The following ADCK2 variants were observed in gnomAD, a reference collection of about 807,000 sequenced individuals.
The protein encoded by ADCK2 is aarF domain containing kinase 2.
In ADCK2, 37 loss-of-function variants were observed where a neutral mutation model predicts 52.3. That is an observed-to-expected ratio of 0.71 (90% CI 0.54 to 0.93). The LOEUF is 0.93. Among genes scored for constraint, ADCK2 ranks in the 40% least tolerant of loss-of-function variants. The pLI, the probability that ADCK2 is intolerant of heterozygous loss-of-function variation, is 0.00. For synonymous variants in ADCK2, 321 were observed against 349.2 expected, an observed-to-expected ratio of 0.92 and a Z score of 0.90; for missense variants, 695 against 798.7, an observed-to-expected ratio of 0.87 and a Z score of 1.56.
At chr7:140,681,009 G>A in intron 3 of ADCK2, 33 bp from the exon 4 acceptor site, 1 of 1,605,538 alleles carries the variant, frequency 6.2e-7, no homozygotes, top group Non-Finnish European at 8.5e-7. Flanking sequence ...GGCTGGCTGG[G>A]ATTAAGCTGT....
Position 140,673,908 on chromosome 7 carries a change from AC to A in ADCK2, c.579del (p.Trp194GlyfsTer57). On this transcript the variant is annotated frameshift_variant, in exon 1 of 8. Transcript: ENST00000072869. LOFTEE classifies it high-confidence loss of function. The surrounding 1 kb of genome is among the most constrained non-coding windows in gnomAD (Gnocchi z 6.4). ...TTCCTTCGGCAGGCTTTTGGGGATG[AC>A]TGGGGGAGCATCCTCTCTTTTGAGA... ...ERFLRQAFGD[D>X]WGSILSFENR... 1 of 1,613,944 alleles carries A rather than the reference AC, an allele frequency of 6.2e-7. No homozygotes were observed. The highest frequency in any genetic ancestry group is 1.1e-5 in the South Asian group (1 of 91,088).
At chr7:140,690,301 C>T (rs1012098466) in intron 6 of ADCK2, among the ~76,000 whole-genome samples, 7 of 152,132 alleles carry the variant, frequency 4.6e-5, no homozygotes, top group Non-Finnish European at 7.3e-5. Flanking sequence ...CTCCCGGATT[C>T]AAGCGATTCT....
chr7:140,673,408 C>T lies in ADCK2; in HGVS notation c.78C>T (p.Ser26=), dbSNP rs985913563. ...LRCFELRQGL[S]LLRPSECPRD... ...GCTTCGAGCTCAGACAGGGACTCAG[C>T]CTCCTGAGGCCCTCCGAGTGCCCTC... The change falls in exon 1 of 8, where the codon AGC becomes AGT. Residue 26 remains serine (S), a synonymous_variant. Transcript: ENST00000072869. The surrounding 1 kb of genome is among the most constrained non-coding windows in gnomAD (Gnocchi z 6.4). 2.5e-6 allele frequency: 4 copies of T among 1,588,524 alleles called. No homozygotes were observed. Among genetic ancestry groups the T allele is most frequent in the South Asian group, 2.3e-5 (2 of 87,948 alleles).
In ADCK2 at chr7:140,679,382, G is replaced by C. The variant is rs1376190661; in HGVS notation, c.1209+99G>C. ...AGGCTTCAGTCTGGAGAGAGGATGG[G>C]ATTTGTGTCTGTAAAACTGTGAGGA... On this transcript the variant is annotated intron_variant, in intron 3 of 7. Transcript: ENST00000072869. 10 of 1,518,622 alleles carry C rather than the reference G, an allele frequency of 6.6e-6. No individual in the cohort carries two copies. In the Middle Eastern group the frequency reaches 1.0e-3, roughly 159 times the overall value. 94.1% of individuals were successfully genotyped at this position (1,518,622 alleles called of 1,614,324 possible). A position where few individuals can be genotyped will look rare whatever the true frequency, so the allele number is the denominator to read the frequency against.
rs1244774889 is a variant in ADCK2 at position 140,676,147 on chromosome 7, G to A, written c.1080+1390G>A. On this transcript the variant is annotated intron_variant, in intron 2 of 7. Coordinates refer to ENST00000072869, the MANE Select transcript of ADCK2 (RefSeq NM_052853.4). ...GCTGAAAATTCCAGATCAAGGCATC[G>A]GCAGATTCGATGTCTGGTGAGGCCC... is the stretch of plus-strand genomic sequence containing the variant. Among the ~76,000 whole-genome samples the A allele has an allele frequency of 3.3e-5, 5 of 152,270 alleles. No individual in the cohort carries two copies. The South Asian group carries it at 6.2e-4, about 19-fold the overall frequency.
chr7:140,674,628 G>A lies in ADCK2; in HGVS notation c.951G>A (p.Leu317=). The A allele has an allele frequency of 1.2e-6, 2 of 1,613,578 alleles. No individual in the cohort carries two copies. Among genetic ancestry groups the A allele is most frequent in the Non-Finnish European group, 1.7e-6 (2 of 1,179,804 alleles). The change falls in exon 2 of 8, where the codon CTG becomes CTA. Residue 317 remains leucine (L), a synonymous_variant. Transcript: ENST00000072869. The surrounding 1 kb of genome is among the most constrained non-coding windows in gnomAD (Gnocchi z 4.6). ...SVAVKVLHPG[L]LAQVHMDLLL... ...TCTGACAGGTGTTGCACCCTGGCCT[G>A]CTCGCTCAGGTGCATATGGACCTGC...
chr7:140,679,646 G>T (rs1794481278), intron 3 of ADCK2, among the ~76,000 whole-genome samples: 1 of 137,540 alleles, frequency 7.3e-6, no homozygotes, highest in African/African-American at 2.7e-5. Flanking sequence ...CTCTACTCTA[G>T]TTCAGCCTTC....
Position 140,673,944 on chromosome 7 carries a change from C to A in ADCK2, c.614C>A (p.Pro205His), listed in dbSNP as rs780403894. The A allele has an allele frequency of 6.2e-7, 1 of 1,614,050 alleles. No individual in the cohort carries two copies. The highest frequency in any genetic ancestry group is 1.1e-5 in the South Asian group (1 of 91,082). ...ATCCTCTCTTTTGAGAACCGGGAAC[C>A]TGTGGGCTCAGGCTGCGTGGCCCAG... ...GSILSFENRE[P>H]VGSGCVAQVY... Residue 205 changes from proline (P) to histidine (H), a missense_variant, in exon 1 of 8, where the codon CCT becomes CAT. Physicochemically the swap from Pro to His is moderately conservative, Grantham distance 77. Coordinates refer to ENST00000072869, the MANE Select transcript of ADCK2 (RefSeq NM_052853.4). The surrounding 1 kb of genome is among the most constrained non-coding windows in gnomAD (Gnocchi z 6.4).
rs73165459 is a variant in ADCK2, at chr7:140,674,369, A to G, written c.933+106A>G. The G allele has an allele frequency of 3.2e-5, 40 of 1,265,052 alleles. No individual in the cohort carries two copies. The highest frequency in any genetic ancestry group is 7.9e-5 in the Admixed American group (3 of 37,742). 78.4% of individuals were successfully genotyped at this position (1,265,052 alleles called of 1,614,324 possible). A position where few individuals can be genotyped will look rare whatever the true frequency, so the allele number is the denominator to read the frequency against. On this transcript the variant is annotated intron_variant, in intron 1 of 7. Transcript: ENST00000072869. The surrounding 1 kb of genome is among the most constrained non-coding windows in gnomAD (Gnocchi z 4.6). ...ACGTTTATTTCTATTTGCCTGACCA[A>G]TATCTGAGTGCTTATTTCATGCAAG...
At chr7:140,681,719 G>T (rs549743606) in intron 4 of ADCK2, among the ~76,000 whole-genome samples, 1 of 152,148 alleles carries the variant, frequency 6.6e-6, no homozygotes, top group East Asian at 1.9e-4. Flanking sequence ...TTGGGCTCAA[G>T]TGATCCTGCC....
chr7:140,679,782 C>T (rs546506363), intron 3 of ADCK2, among the ~76,000 whole-genome samples: 164 of 147,518 alleles, frequency 1.1e-3, no homozygotes, highest in African/African-American at 3.8e-3. Context: ...AAGTGATTCT[C>T]GTGCCTCAGC....
At chr7:140,689,839 A>G (rs1215375297) in intron 6 of ADCK2, 114 bp downstream of exon 6, 20 of 1,248,146 alleles carry the variant, frequency 1.6e-5, no homozygotes, top group Non-Finnish European at 1.6e-5. Context: ...TTAAAGCAGA[A>G]AAAGAACCAC....
Position 140,674,198 on chromosome 7 carries a change from G to A in ADCK2, c.868G>A (p.Val290Met), listed in dbSNP as rs1801692144. 3 of 1,614,036 alleles carry A rather than the reference G, an allele frequency of 1.9e-6. No individual in the cohort carries two copies. Among genetic ancestry groups the A allele is most frequent in the South Asian group, 1.1e-5 (1 of 91,072 alleles). The change falls in exon 1 of 8, where the codon GTG (valine) becomes ATG (methionine). Residue 290 changes from valine (V) to methionine (M), a missense_variant. Coordinates refer to ENST00000072869, the MANE Select transcript of ADCK2 (RefSeq NM_052853.4). This position sits in a 1 kb window ranked among gnomAD's most constrained non-coding sequence, Gnocchi z 4.6. ...TGACCTGGTTGGATCAAATGCAGGG[G>A]TGTCTCGGGCTCAGGTCCCTGGCCA... ...KADLVGSNAG[V>M]SRAQVPGHQP...
chr7:140,693,139 A>G lies in ADCK2; in HGVS notation c.1741-1524A>G, dbSNP rs1170494023. Among the ~76,000 whole-genome samples, 6 of 152,250 alleles carry G rather than the reference A, an allele frequency of 3.9e-5. No individual in the cohort carries two copies. Among genetic ancestry groups the G allele is most frequent in the South Asian group, 2.1e-4 (1 of 4,828 alleles). ...GTATAATATATCTTCCTTAGAAGAA[A>G]TATCTATTCAGGTAGCACTTAATTT... is the stretch of plus-strand genomic sequence containing the variant. On this transcript the variant is annotated intron_variant, in intron 7 of 7. Coordinates refer to ENST00000072869, the MANE Select transcript of ADCK2 (RefSeq NM_052853.4). This position sits in a 1 kb window ranked among gnomAD's most constrained non-coding sequence, Gnocchi z 4.0.
intron 7 of ADCK2, 23 bp from the exon 8 acceptor site, chr7:140,694,640 A>T: frequency 6.2e-7 from 1 of 1,610,148 alleles, no homozygotes; most frequent in South Asian, 1.1e-5. Flanking sequence ...TCTGAGATGA[A>T]CTGTTCTGTT....
chr7:140,675,642 CCTGGGCCCAGTGTAACTGT>C (rs999496049), intron 2 of ADCK2, among the ~76,000 whole-genome samples: 1 of 152,220 alleles, frequency 6.6e-6, no homozygotes, highest in African/African-American at 2.4e-5. Context: ...GCTGTAACTG[CCTGGGCCCAGTGTAACTGT>C]GAGCTTGGGA....
At chr7:140,681,229 G>C (rs369506382) in intron 4 of ADCK2, 92 bp downstream of exon 4, 4 of 1,257,206 alleles carry the variant, frequency 3.2e-6, no homozygotes, top group Non-Finnish European at 4.6e-6. Flanking sequence ...GGGTGGGAAG[G>C]AGAGCGAAGC....
intron 4 of ADCK2, among the ~76,000 whole-genome samples, chr7:140,685,929 G>T (rs1164816305): frequency 6.6e-6 from 1 of 151,948 alleles, no homozygotes; most frequent in Non-Finnish European, 1.5e-5. Context: ...GCCCAGCTTA[G>T]CAGGTTCAAA....
At chr7:140,682,826 CAAAAAA>C (rs397889908) in intron 4 of ADCK2, among the ~76,000 whole-genome samples, 1 of 65,174 alleles carries the variant, frequency 1.5e-5, no homozygotes, top group Non-Finnish European at 3.6e-5. Flanking sequence ...CCTGTCACTA[CAAAAAA>C]AAAAAAAAAA....
Sources: allele counts gnomAD v4.1 joint callset (sites outside exome capture counted in the v4.1 genomes callset), GRCh38; gene constraint gnomAD v4.1.1; non-coding constraint Gnocchi (gnomAD v3.1); transcripts MANE v1.5; gene names NCBI Gene and HGNC (gene_info 2026-07-23, HGNC 2026-07-21).